HBS1L: variants seen among roughly 807,000 people sequenced by gnomAD.
The protein encoded by HBS1L is HBS1-like protein.
In HBS1L, 55 loss-of-function variants were observed where a neutral mutation model predicts 88.9. The observed-to-expected ratio is 0.62, with a 90% CI of 0.50 to 0.77. HBS1L has a LOEUF of 0.77. Among genes scored for constraint, HBS1L ranks in the 30% least tolerant of loss-of-function variants. The probability of loss-of-function intolerance (pLI) is 0.00; values close to 1 mark genes in which losing one functional copy is unlikely to be tolerated. For missense variants in HBS1L, 741 were observed against 829.3 expected, an observed-to-expected ratio of 0.89 and a Z score of 1.31; for synonymous variants, 267 against 288.5, an observed-to-expected ratio of 0.93 and a Z score of 0.76.
At chr6:135,000,502 G>T (rs1454636663) in intron 5 of HBS1L, among the ~76,000 whole-genome samples, 1 of 151,942 alleles carries the variant, frequency 6.6e-6, no homozygotes, top group East Asian at 1.9e-4. Flanking sequence ...AGATTTAAGA[G>T]GTTAAAAGAA....
At chr6:134,985,931 A>G (rs962474488) in intron 11 of HBS1L, 135 bp downstream of exon 11, 24 of 606,634 alleles carry the variant, frequency 4.0e-5, no homozygotes, top group Non-Finnish European at 6.4e-5. Flanking sequence ...ACATGATGAC[A>G]AAACAGGTAA....
intron 4 of HBS1L, among the ~76,000 whole-genome samples, chr6:135,013,012 C>G (rs900650448): frequency 5.9e-5 from 9 of 152,158 alleles, no homozygotes; most frequent in Non-Finnish European, 7.4e-5. Context: ...TCCCAACAAG[C>G]TTTCCACACC....
intron 16 of HBS1L, among the ~76,000 whole-genome samples, chr6:134,967,428 C>G (rs773931205): frequency 2.6e-5 from 4 of 152,124 alleles, no homozygotes; most frequent in Non-Finnish European, 5.9e-5. Flanking sequence ...ATGGCTTGTT[C>G]CTAATTTAGT....
intron 4 of HBS1L, among the ~76,000 whole-genome samples, chr6:135,022,745 TAAC>T (rs1332348688): frequency 2.0e-5 from 3 of 152,244 alleles, no homozygotes; most frequent in South Asian, 2.1e-4. Flanking sequence ...ATATGACTGT[TAAC>T]AATCTACTAA....
At chr6:135,028,336 T>C (rs1456563964) in intron 4 of HBS1L, among the ~76,000 whole-genome samples, 1 of 147,724 alleles carries the variant, frequency 6.8e-6, no homozygotes, top group African/African-American at 2.5e-5. Flanking sequence ...AAAATGAGAA[T>C]AGAGAAGTAA....
chr6:135,016,609 T>C (rs1233868988), intron 4 of HBS1L, among the ~76,000 whole-genome samples: 1 of 152,180 alleles, frequency 6.6e-6, no homozygotes, highest in Non-Finnish European at 1.5e-5. Context: ...CTAAAAATAA[T>C]AGCTCCAGAC....
chr6:134,985,970 C>T (rs1391994921), intron 11 of HBS1L, 96 bp downstream of exon 11: 1 of 672,386 alleles, frequency 1.5e-6, no homozygotes, highest in East Asian at 2.6e-5. Context: ...AAATCCTATG[C>T]TTTTTCATAC....
Position 135,042,057 on chromosome 6 carries a change from T to A in HBS1L, c.179A>T (p.Asp60Val). ...VEPVEEYDYE[D>V]LKESSNSVSN... The stretch of plus-strand genomic sequence containing the variant: ...AACAGAATTGGAAGATTCTTTCAGA[T>A]CTTCATAATCATATTCTTCCACAGG... Residue 60 changes from aspartate to valine, a missense_variant, in exon 3 of 18, where the codon GAT becomes GTT. Transcript: ENST00000367837. 1 of 1,613,462 alleles carries A rather than the reference T, an allele frequency of 6.2e-7. No homozygotes were observed. The highest frequency in any genetic ancestry group is 8.5e-7 in the Non-Finnish European group (1 of 1,179,670).
intron 2 of HBS1L, among the ~76,000 whole-genome samples, chr6:135,050,048 G>C (rs1777031783): frequency 1.3e-5 from 2 of 152,326 alleles, no homozygotes; most frequent in South Asian, 4.1e-4. Flanking sequence ...AGAAATCTTT[G>C]GGCTGATAAT....
rs531664835 is a variant in HBS1L, at chr6:135,032,809, A to G, written c.430+6764T>C. 1.7e-4 allele frequency among the ~76,000 whole-genome samples: 26 copies of G among 152,326 alleles called. 1 individual carries two copies. Among genetic ancestry groups the G allele is most frequent in the Admixed American group, 1.7e-3 (26 of 15,296 alleles). ...ACCTCCCACTGAGTACTAAAAACTA[A>G]ATATAAAACACTGACTATAGTTATT... On this transcript the variant is annotated intron_variant, in intron 4 of 17. Coordinates refer to ENST00000367837, the MANE Select transcript of HBS1L (RefSeq NM_006620.4).
chr6:135,034,415 G>A (rs1433948102), intron 4 of HBS1L, among the ~76,000 whole-genome samples: 1 of 152,196 alleles, frequency 6.6e-6, no homozygotes. Flanking sequence ...AGGCCGAGGT[G>A]GGCGGATCAT....
chr6:135,042,208 A>G, intron 2 of HBS1L, 82 bp from the exon 3 acceptor site: 1 of 1,303,118 alleles, frequency 7.7e-7, no homozygotes, highest in Non-Finnish European at 1.0e-6. Flanking sequence ...AGTAAAAATT[A>G]AAAATTCTAA....
intron 7 of HBS1L, among the ~76,000 whole-genome samples, chr6:134,996,189 A>G (rs1562286452): frequency 6.6e-6 from 1 of 152,158 alleles, no homozygotes; most frequent in East Asian, 1.9e-4. Flanking sequence ...ACACTCTAAA[A>G]GGACTTCAAA....
intron 5 of HBS1L, among the ~76,000 whole-genome samples, chr6:135,001,633 T>G (rs1170901666): frequency 6.6e-6 from 1 of 152,098 alleles, no homozygotes; most frequent in Non-Finnish European, 1.5e-5. Context: ...GAATCAGAAT[T>G]CTAAATTATT....
intron 5 of HBS1L, among the ~76,000 whole-genome samples, chr6:134,999,355 T>C (rs1307110974): frequency 6.6e-6 from 1 of 152,178 alleles, no homozygotes; most frequent in African/African-American, 2.4e-5. Context: ...CAGGGCTGAC[T>C]TGATCATTTC....
chr6:135,042,186 T>C, intron 2 of HBS1L, 60 bp from the exon 3 acceptor site: 16 of 1,456,532 alleles, frequency 1.1e-5, no homozygotes, highest in Non-Finnish European at 1.5e-5. Context: ...AACTTTTTTT[T>C]ACAAAAGTTA....
chr6:134,996,252 G>A (rs567676680), intron 7 of HBS1L, among the ~76,000 whole-genome samples: 1 of 152,282 alleles, frequency 6.6e-6, no homozygotes, highest in Non-Finnish European at 1.5e-5. Context: ...GTAACTGACT[G>A]CATTATAGCT....
At chr6:134,973,708 T>TCGAGAGGCTGAGGCAGTTC (rs1330477235) in intron 15 of HBS1L, among the ~76,000 whole-genome samples, 1 of 152,026 alleles carries the variant, frequency 6.6e-6, no homozygotes, top group Admixed American at 6.6e-5. Flanking sequence ...TCCCAGCTAC[T>TCGAGAGGCTGAGGCAGTTC]CGAGAGGCTG....
Position 134,978,774 on chromosome 6 carries a change from A to C in HBS1L, c.1702T>G (p.Phe568Val), listed in dbSNP as rs766661990. Residue 568 changes from phenylalanine to valine, a missense_variant, in exon 15 of 18, where the codon TTT (phenylalanine) becomes GTT (valine). Around this residue, in one of 3 missense-constraint regions of HBS1L, gnomAD observed 181 missense variants for 212.7 expected, o/e 0.85. Coordinates refer to ENST00000367837, the MANE Select transcript of HBS1L (RefSeq NM_006620.4). ...DIIKINVGCI[F>V]CGPKVPIKAC... ...TTAATGGGTACTTTGGGGCCACAAA[A>C]TATGCAGCCAACACTGTAAGAACAA... 43 of 1,604,362 alleles carry C rather than the reference A, an allele frequency of 2.7e-5. 1 individual carries two copies. In the South Asian group the frequency reaches 4.5e-4, roughly 17 times the overall value.
Sources: allele counts gnomAD v4.1 joint callset (sites outside exome capture counted in the v4.1 genomes callset), GRCh38; gene constraint gnomAD v4.1.1; regional missense constraint gnomAD v4.1.1; transcripts MANE v1.5; gene names NCBI Gene and HGNC (gene_info 2026-07-23, HGNC 2026-07-21).